Variants in SPART observed in about 807,000 individuals in gnomAD.
The protein encoded by SPART is spartin, also known as spastic paraplegia 20 (Troyer syndrome).
SPART carries 35 observed loss-of-function variants against 58.7 expected under a neutral mutation model. That is an observed-to-expected ratio of 0.60 (90% CI 0.46 to 0.79). SPART has a LOEUF of 0.79. SPART is among the 30% of genes least tolerant of loss of function. SPART has a pLI of 0.00. For missense variants in SPART, 730 were observed against 786.1 expected (o/e 0.93, Z 0.85); for synonymous variants, 284 against 280.7 (o/e 1.01, Z -0.12).
chr13:36,360,976 A>G (rs931999602), intron 1 of SPART, among the ~76,000 whole-genome samples: 1 of 152,216 alleles, frequency 6.6e-6, no homozygotes, highest in African/African-American at 2.4e-5. Context: ...CTGTCCAGAA[A>G]TGTCTTGGGA....
intron 5 of SPART, 139 bp from the exon 6 acceptor site, chr13:36,314,560 A>G: frequency 2.3e-6 from 2 of 875,224 alleles, no homozygotes; most frequent in South Asian, 1.5e-5. Context: ...TAAACTTTCA[A>G]GCTAACTTTA....
chr13:36,350,845 GA>G (rs1885381658), upstream of SPART, among the ~76,000 whole-genome samples: 1 of 152,170 alleles, frequency 6.6e-6, no homozygotes, highest in African/African-American at 2.4e-5. Context: ...GTTTTAGTGT[GA>G]AAGGAGGAGT....
chr13:36,343,722 C>T (rs1884787480), intron 1 of SPART, among the ~76,000 whole-genome samples: 2 of 152,156 alleles, frequency 1.3e-5, no homozygotes, highest in South Asian at 4.1e-4. Flanking sequence ...GTTAAGCTCT[C>T]TATATGTGTC....
chr13:36,319,978 A>G (rs1470181859), intron 5 of SPART, among the ~76,000 whole-genome samples: 1 of 152,084 alleles, frequency 6.6e-6, no homozygotes, highest in African/African-American at 2.4e-5. Context: ...TTTCCTTCCT[A>G]AGCACGGTTA....
intron 5 of SPART, among the ~76,000 whole-genome samples, chr13:36,321,214 G>T (rs559363731): frequency 6.6e-6 from 1 of 152,088 alleles, no homozygotes; most frequent in African/African-American, 2.4e-5. Context: ...CCTATTCACC[G>T]TTCTCAACTA....
chr13:36,323,349 C>G (rs1379432447), intron 5 of SPART, among the ~76,000 whole-genome samples: 1 of 152,236 alleles, frequency 6.6e-6, no homozygotes, highest in Non-Finnish European at 1.5e-5. Flanking sequence ...CTACCTCCTT[C>G]CAAATTAGCT....
At chr13:36,338,686 A>C (rs933311382) in intron 1 of SPART, among the ~76,000 whole-genome samples, 2 of 152,186 alleles carry the variant, frequency 1.3e-5, no homozygotes, top group Admixed American at 1.3e-4. Flanking sequence ...AACCAAAAGC[A>C]GGGGGATTAA....
chr13:36,338,882 T>C (rs1284527185), intron 1 of SPART, among the ~76,000 whole-genome samples: 1 of 151,972 alleles, frequency 6.6e-6, no homozygotes, highest in African/African-American at 2.4e-5. Flanking sequence ...AGGAAAACTG[T>C]CCAAGCAATT....
upstream of SPART, among the ~76,000 whole-genome samples, chr13:36,347,382 C>T (rs553285015): frequency 6.6e-6 from 1 of 152,118 alleles, no homozygotes; most frequent in Non-Finnish European, 1.5e-5. Context: ...CCACTCCCGT[C>T]TAATTTTTGT....
chr13:36,321,070 CTACAGGG>C (rs1379886877), intron 5 of SPART, among the ~76,000 whole-genome samples: 1 of 152,196 alleles, frequency 6.6e-6, no homozygotes, highest in Non-Finnish European at 1.5e-5. Flanking sequence ...CCTCGGAATG[CTACAGGG>C]TACAGCCCAT....
upstream of SPART, among the ~76,000 whole-genome samples, chr13:36,349,756 C>T (rs367720403): frequency 3.9e-5 from 6 of 152,134 alleles, no homozygotes; most frequent in African/African-American, 1.4e-4. Flanking sequence ...TCTGTTATCT[C>T]TGTGGAATAT....
Position 36,319,744 on chromosome 13 carries a change from G to A in SPART, c.1289-5323C>T, listed in dbSNP as rs199889833. 1.1e-4 allele frequency among the ~76,000 whole-genome samples: 13 copies of A among 118,186 alleles called. 1 individual carries two copies. The highest frequency in any genetic ancestry group is 9.1e-4 in the Admixed American group (10 of 10,940). The allele number at this position is 118,186 out of a possible 152,430, so 77.5% of individuals were successfully genotyped here. On this transcript the variant is annotated intron_variant, in intron 5 of 8. Coordinates refer to ENST00000438666, the MANE Select transcript of SPART (RefSeq NM_015087.5). ...GCACCCTTCATCCCAGCCTTTCTTC[G>A]CTTTCACTTGGACTGACCCTGACAC...
At chr13:36,328,804 C>T (rs775718556) in intron 4 of SPART, among the ~76,000 whole-genome samples, 40 of 151,540 alleles carry the variant, frequency 2.6e-4, no homozygotes, top group Non-Finnish European at 4.6e-4. Context: ...CATAAAAAAA[C>T]AGGAAACTGA....
intron 1 of SPART, among the ~76,000 whole-genome samples, chr13:36,339,824 T>G (rs183828651): frequency 5.9e-5 from 9 of 152,008 alleles, no homozygotes; most frequent in Non-Finnish European, 1.3e-4. Context: ...CCCAGCACTT[T>G]AGGAGACTGA....
In SPART at chr13:36,312,145, T is replaced by C; in HGVS notation, c.1733A>G (p.Lys578Arg). 2 of 1,612,130 alleles carry C rather than the reference T, an allele frequency of 1.2e-6. No homozygotes were observed. The highest frequency in any genetic ancestry group is 1.7e-6 in the Non-Finnish European group (2 of 1,178,232). Residue 578 changes from lysine (K) to arginine (R), a missense_variant and splice_region_variant, in exon 8 of 9, where the codon AAA becomes AGA. By Grantham distance (26) the Lys-to-Arg change is conservative. Transcript: ENST00000438666. Reference protein sequence around the residue: ...SAETVQTVRYKYGYNAGEATH... With the variant: ...SAETVQTVRYRYGYNAGEATH... ...GTCATTAAAATAAAATTCAACTTAC[T>C]TGTATCTGACAGTTTGTACAGTTTC...
chr13:36,361,254 G>C (rs1885848602), intron 1 of SPART, among the ~76,000 whole-genome samples: 1 of 152,078 alleles, frequency 6.6e-6, no homozygotes, highest in Non-Finnish European at 1.5e-5. Flanking sequence ...ATAGTCAAAA[G>C]AATCTGTCTT....
intron 5 of SPART, among the ~76,000 whole-genome samples, chr13:36,316,268 T>G (rs1881688141): frequency 6.6e-6 from 1 of 152,230 alleles, no homozygotes; most frequent in African/African-American, 2.4e-5. Context: ...CATTTACAGT[T>G]GTTATTAAAA....
chr13:36,368,637 T>G (rs559080399), intron 1 of SPART, among the ~76,000 whole-genome samples: 1 of 152,300 alleles, frequency 6.6e-6, no homozygotes, highest in East Asian at 1.9e-4. Context: ...TTCCAATCAG[T>G]CATTACTAAA....
At chr13:36,350,527 G>A (rs1291579430), upstream of SPART, among the ~76,000 whole-genome samples, 1 of 152,198 alleles carries the variant, frequency 6.6e-6, no homozygotes, top group East Asian at 1.9e-4. Context: ...ATGTTTACAA[G>A]GAGATTTGAT....
Sources: gnomAD v4.1 joint callset for allele counts (sites outside exome capture counted in the v4.1 genomes callset) on GRCh38, gnomAD v4.1.1 for gene constraint, MANE v1.5 for transcripts, NCBI Gene and HGNC (gene_info 2026-07-23, HGNC 2026-07-21) for gene names.